Variants in EZR observed in about 807,000 individuals in gnomAD.
EZR encodes ezrin.
A neutral mutation model predicts 74.8 loss-of-function variants in EZR; 40 were observed. The ratio of observed to expected loss-of-function variants is 0.53; its 90% CI spans 0.42 to 0.70. The LOEUF is 0.70. EZR is among the 30% of genes least tolerant of loss of function. EZR has a pLI of 0.00. For missense variants in EZR, 678 were observed against 755.8 expected (o/e 0.90, Z 1.21); for synonymous variants, 341 against 283.3 (o/e 1.20, Z -2.05).
At chr6:158,780,210 T>TA (rs1191599476) in intron 7 of EZR, among the ~76,000 whole-genome samples, 1 of 151,230 alleles carries the variant, frequency 6.6e-6, no homozygotes, top group East Asian at 1.9e-4. Flanking sequence ...CAAGAATGAT[T>TA]AAAAAATGTA....
chr6:158,769,077 C>T (rs569218941), intron 12 of EZR, among the ~76,000 whole-genome samples: 1 of 152,338 alleles, frequency 6.6e-6, no homozygotes, highest in South Asian at 2.1e-4. Flanking sequence ...ATCAGAGGTC[C>T]TCCCTCTATG....
intron 2 of EZR, among the ~76,000 whole-genome samples, chr6:158,796,581 G>T (rs1431531042): frequency 6.6e-6 from 1 of 152,212 alleles, no homozygotes; most frequent in South Asian, 2.1e-4. Flanking sequence ...TCCCAAGCCA[G>T]CAGCTATGTA....
intron 2 of EZR, among the ~76,000 whole-genome samples, chr6:158,806,243 G>T (rs971818889): frequency 2.6e-5 from 4 of 152,148 alleles, no homozygotes; most frequent in Non-Finnish European, 5.9e-5. Context: ...CCAGCAGCAG[G>T]GAATGGGGGA....
chr6:158,799,943 AAC>A (rs2128573667), intron 2 of EZR, among the ~76,000 whole-genome samples: 1 of 152,352 alleles, frequency 6.6e-6, no homozygotes, highest in Admixed American at 6.5e-5. Flanking sequence ...TGCTCCCAGT[AAC>A]AGACTGTTTT....
rs1475265591 is a variant in EZR at position 158,769,316 on chromosome 6, G to A, written c.1344+10C>T. On this transcript the variant is annotated intron_variant, in intron 12 of 13. Coordinates refer to ENST00000367075, the MANE Select transcript of EZR (RefSeq NM_001111077.2). ...GTGGCCGTGCGGAGGTGTCCCCCGT[G>A]CAGACTCACCCTGTGCTGCCACTCT... 6.2e-7 allele frequency: 1 copy of A among 1,607,526 alleles called. No homozygotes were observed. Among genetic ancestry groups the A allele is most frequent in the Non-Finnish European group, 8.5e-7 (1 of 1,179,368 alleles).
intron 6 of EZR, 63 bp from the exon 7 acceptor site, chr6:158,783,729 C>T (rs1395447349): frequency 2.0e-6 from 3 of 1,532,276 alleles, no homozygotes; most frequent in Non-Finnish European, 2.7e-6. Flanking sequence ...AACAGTAAAA[C>T]CTTTCCAGTA....
chr6:158,816,840 T>G (rs1223354021), intron 2 of EZR, among the ~76,000 whole-genome samples: 1 of 152,068 alleles, frequency 6.6e-6, no homozygotes, highest in East Asian at 1.9e-4. Context: ...AATCCTAGCA[T>G]TTTGGGAGGT....
intron 10 of EZR, 81 bp downstream of exon 10, chr6:158,770,683 G>A (rs2128565909): frequency 6.5e-7 from 1 of 1,530,252 alleles, no homozygotes; most frequent in Non-Finnish European, 9.0e-7. Context: ...CCTTCCTGGT[G>A]AGTGGGTGGG....
chr6:158,806,271 A>G (rs779232418), intron 2 of EZR, among the ~76,000 whole-genome samples: 3 of 152,190 alleles, frequency 2.0e-5, no homozygotes, highest in Admixed American at 6.5e-5. Flanking sequence ...TCGCCCTGAG[A>G]TCCTCCCACC....
intron 2 of EZR, among the ~76,000 whole-genome samples, chr6:158,801,653 G>C (rs1400888547): frequency 1.3e-5 from 2 of 150,308 alleles, no homozygotes; most frequent in Non-Finnish European, 2.9e-5. Context: ...TACTGCCTGA[G>C]TAATAGGAAT....
At chr6:158,803,655 ATATATATATAT>A in intron 2 of EZR, among the ~76,000 whole-genome samples, 1 of 73,632 alleles carries the variant, frequency 1.4e-5, no homozygotes, top group African/African-American at 4.2e-5. Flanking sequence ...ATATATATAC[ATATATATATAT>A]AAAATATACA....
At chr6:158,776,300 G>A (rs1752345414) in intron 8 of EZR, 108 bp downstream of exon 8, 2 of 899,904 alleles carry the variant, frequency 2.2e-6, no homozygotes, top group Non-Finnish European at 3.7e-6. Flanking sequence ...AACCTCATGA[G>A]GAGTTTGGAC....
intron 2 of EZR, among the ~76,000 whole-genome samples, chr6:158,801,056 G>C (rs1777176880): frequency 6.6e-6 from 1 of 152,172 alleles, no homozygotes; most frequent in Admixed American, 6.6e-5. Flanking sequence ...GATCACTTGG[G>C]CCTAGGAGGT....
rs1330727229 is a variant in EZR at position 158,767,324 on chromosome 6, G to T, written c.1533C>A (p.Asp511Glu). The change falls in exon 13 of 14, where the codon GAC becomes GAA. Residue 511 changes from aspartate (D) to glutamate (E), a missense_variant. Physicochemically the swap from Asp to Glu is conservative, Grantham distance 45. Around this residue, in one of 3 missense-constraint regions of EZR, gnomAD observed 342 missense variants for 341.2 expected, o/e 1.00. Coordinates refer to ENST00000367075, the MANE Select transcript of EZR (RefSeq NM_001111077.2). Reference protein sequence around the residue: ...AELSSEGIRDDRNEEKRITEA... With the variant: ...AELSSEGIRDERNEEKRITEA... ...CAGTGATGCGCTTCTCCTCATTGCG[G>T]TCATCCCGGATGCCCTCACTAGACA... The T allele has an allele frequency of 5.6e-6, 9 of 1,614,036 alleles. No homozygotes were observed. In the African/African-American group the frequency reaches 1.1e-4, roughly 19 times the overall value.
chr6:158,791,501 A>G (rs1442577831), intron 2 of EZR, among the ~76,000 whole-genome samples: 1 of 152,124 alleles, frequency 6.6e-6, no homozygotes, highest in Non-Finnish European at 1.5e-5. Flanking sequence ...CTACATACAC[A>G]GAAGCCAACA....
intron 7 of EZR, among the ~76,000 whole-genome samples, chr6:158,780,438 T>C (rs1030721924): frequency 2.0e-5 from 3 of 152,090 alleles, no homozygotes; most frequent in Non-Finnish European, 4.4e-5. Context: ...TTCTTGGAAA[T>C]GTGTTAGAGG....
In EZR at chr6:158,809,944, T is replaced by C. The variant is rs117750764; in HGVS notation, c.12+8138A>G. Among the ~76,000 whole-genome samples, 1,120 of 152,232 alleles carry C rather than the reference T, an allele frequency of 7.4e-3. 20 individuals are homozygous for C. Among genetic ancestry groups the C allele is most frequent in the Non-Finnish European group, 6.9e-3 (470 of 68,018 alleles). ...CTAAGATGATAGTTTACCTACCCCA[T>C]CCTAAAGTAAAAACAATTATTTACA... is the stretch of plus-strand genomic sequence containing the variant. On this transcript the variant is annotated intron_variant, in intron 2 of 13. Coordinates refer to ENST00000367075, the MANE Select transcript of EZR (RefSeq NM_001111077.2).
Position 158,767,300 on chromosome 6 carries a change from A to G in EZR, c.1557T>C (p.Thr519=), listed in dbSNP as rs767150585. 2.5e-6 allele frequency: 4 copies of G among 1,614,028 alleles called. No individual in the cohort carries two copies. The South Asian group carries it at 3.3e-5, about 13-fold the overall frequency. The change falls in exon 13 of 14, where the codon ACT becomes ACC. Residue 519 remains threonine, a synonymous_variant. Transcript: ENST00000367075. ...GCACACGCTCGTTCTTCTCTGCCTC[A>G]GTGATGCGCTTCTCCTCATTGCGGT... ...RDDRNEEKRI[T]EAEKNERVQR... is the part of the protein sequence containing the mutation.
chr6:158,812,508 G>A (rs1163269211), intron 2 of EZR, among the ~76,000 whole-genome samples: 1 of 152,142 alleles, frequency 6.6e-6, no homozygotes, highest in East Asian at 1.9e-4. Context: ...TGAGAACACT[G>A]CACTAAATTA....
Sources: allele counts gnomAD v4.1 joint callset (sites outside exome capture counted in the v4.1 genomes callset), GRCh38; gene constraint gnomAD v4.1.1; regional missense constraint gnomAD v4.1.1; transcripts MANE v1.5; gene names NCBI Gene and HGNC (gene_info 2026-07-23, HGNC 2026-07-21).